RIC1: variants seen among roughly 807,000 people sequenced by gnomAD.
The protein encoded by RIC1 is RIC1 partner of RAB6A GEF complex.
A neutral mutation model predicts 169.0 loss-of-function variants in RIC1; 88 were observed. The observed-to-expected ratio is 0.52, with a 90% confidence interval of 0.44 to 0.62. The LOEUF (loss-of-function observed/expected upper bound fraction) is 0.62, where lower values mean the gene tolerates loss of function less well. Among genes scored for constraint, RIC1 ranks in the 20% least tolerant of loss-of-function variants. The pLI is 0.00. For missense variants in RIC1, 1,877 were observed against 1,725.5 expected, an observed-to-expected ratio of 1.09 and a Z score of -1.56; for synonymous variants, 790 against 601.5, an observed-to-expected ratio of 1.31 and a Z score of -4.59.
At position 5,774,089 on chromosome 9, in the gene RIC1, C is replaced by G; in HGVS notation, c.4115C>G (p.Pro1372Arg). ...GGTAAGACTCCAGAACAGACTAGCC[C>G]CCGGGCAGAGGAGAGCAGGGGCTCC... Reference protein sequence around the residue: ...TMGKTPEQTSPRAEESRGSSS... With the variant: ...TMGKTPEQTSRRAEESRGSSS... The change falls in exon 26 of 26, where the codon CCC becomes CGC. Residue 1372 changes from proline (P) to arginine (R), a missense_variant. By Grantham distance (103) the Pro-to-Arg change is moderately radical. Coordinates refer to ENST00000414202, the MANE Select transcript of RIC1 (RefSeq NM_020829.4). 1 of 1,614,050 alleles carries G rather than the reference C, an allele frequency of 6.2e-7. No homozygotes were observed. Among genetic ancestry groups the G allele is most frequent in the East Asian group, 2.2e-5 (1 of 44,880 alleles).
intron 1 of RIC1, among the ~76,000 whole-genome samples, chr9:5,654,876 A>T (rs901290313): frequency 6.6e-6 from 1 of 152,020 alleles, no homozygotes; most frequent in East Asian, 1.9e-4. Context: ...ATAATGACAA[A>T]TTCCACTTTT....
chr9:5,714,169 A>G (rs1823099670), intron 4 of RIC1, among the ~76,000 whole-genome samples, 166 bp downstream of exon 4: 1 of 152,236 alleles, frequency 6.6e-6, no homozygotes, highest in Non-Finnish European at 1.5e-5. Flanking sequence ...AGTTTTACAG[A>G]TGGCACTTAA....
intron 1 of RIC1, among the ~76,000 whole-genome samples, chr9:5,635,863 T>C (rs918020416): frequency 3.3e-5 from 5 of 152,212 alleles, no homozygotes; most frequent in Admixed American, 6.5e-5. Context: ...TCTGCCATGA[T>C]TGTAAGTTTC....
chr9:5,705,912 T>C (rs1027767988), intron 3 of RIC1, among the ~76,000 whole-genome samples: 1 of 152,226 alleles, frequency 6.6e-6, no homozygotes, highest in Non-Finnish European at 1.5e-5. Context: ...CTGGGATTTT[T>C]CCCCTTCATT....
At chr9:5,752,803 T>G (rs10975272) in intron 12 of RIC1, among the ~76,000 whole-genome samples, 4,941 of 152,214 alleles carry the variant, frequency 0.032, 106 homozygotes, top group Middle Eastern at 0.054. Context: ...AACCAGAACT[T>G]TTTCTGAGGC....
intron 6 of RIC1, among the ~76,000 whole-genome samples, chr9:5,728,394 G>T (rs976188181): frequency 6.6e-6 from 1 of 152,226 alleles, no homozygotes; most frequent in African/African-American, 2.4e-5. Flanking sequence ...CATTGGAAAA[G>T]CGCAGTATTA....
chr9:5,681,240 T>C (rs901370910), intron 2 of RIC1, among the ~76,000 whole-genome samples: 2 of 152,212 alleles, frequency 1.3e-5, no homozygotes, highest in Non-Finnish European at 2.9e-5. Flanking sequence ...TCTAGTTATT[T>C]TAATTGTGAT....
chr9:5,667,519 T>C (rs1379537826), intron 2 of RIC1, among the ~76,000 whole-genome samples: 2 of 151,686 alleles, frequency 1.3e-5, no homozygotes, highest in Non-Finnish European at 2.9e-5. Context: ...TTTTTTTTTT[T>C]TTTGAGACAG....
intron 7 of RIC1, among the ~76,000 whole-genome samples, chr9:5,737,033 T>C (rs752354272): frequency 3.9e-5 from 6 of 151,974 alleles, no homozygotes; most frequent in Non-Finnish European, 8.8e-5. Context: ...CATCCTATTA[T>C]GTGCAAAAGC....
chr9:5,723,981 G>A (rs1430087415), intron 6 of RIC1, among the ~76,000 whole-genome samples: 3 of 152,144 alleles, frequency 2.0e-5, no homozygotes, highest in African/African-American at 7.2e-5. Flanking sequence ...ATAGTTTGAA[G>A]TCAGGTAGCG....
intron 3 of RIC1, among the ~76,000 whole-genome samples, chr9:5,709,008 C>T (rs1252643738): frequency 6.6e-6 from 1 of 152,020 alleles, no homozygotes; most frequent in African/African-American, 2.4e-5. Context: ...TTGAGTTTTA[C>T]AGGACAAAAA....
rs149866860 is a variant in RIC1 at position 5,774,291 on chromosome 9, G to C, written c.*45G>C. 2 of 1,509,182 alleles carry C rather than the reference G, an allele frequency of 1.3e-6. No individual in the cohort carries two copies. The highest frequency in any genetic ancestry group is 1.8e-6 in the Non-Finnish European group (2 of 1,108,786). 93.5% of individuals were successfully genotyped at this position (1,509,182 alleles called of 1,614,324 possible). On this transcript the variant is annotated 3_prime_UTR_variant, in exon 26 of 26. Coordinates refer to ENST00000414202, the MANE Select transcript of RIC1 (RefSeq NM_020829.4). ...AGGGGCAGTATTAATTAGCAGCAGCGTGCAGCTCAGTACGTTGTAACATAG... is the reference window on the plus strand; with the variant it reads ...AGGGGCAGTATTAATTAGCAGCAGCCTGCAGCTCAGTACGTTGTAACATAG...
chr9:5,670,698 C>G (rs1188022213), intron 2 of RIC1, among the ~76,000 whole-genome samples: 2 of 152,154 alleles, frequency 1.3e-5, no homozygotes, highest in Non-Finnish European at 2.9e-5. Flanking sequence ...TTTCGTTTTG[C>G]CTGCTGCCTG....
At chr9:5,723,372 T>A (rs1823735677) in intron 6 of RIC1, among the ~76,000 whole-genome samples, 1 of 152,216 alleles carries the variant, frequency 6.6e-6, no homozygotes, top group Non-Finnish European at 1.5e-5. Context: ...GAAGTGTCTG[T>A]TCATAGCCTT....
intron 4 of RIC1, 99 bp from the exon 5 acceptor site, chr9:5,720,083 T>A (rs1487619399): frequency 2.4e-6 from 2 of 839,704 alleles, no homozygotes; most frequent in Non-Finnish European, 3.7e-6. Context: ...AATGGTTTCA[T>A]GATCATTTTT....
chr9:5,766,935 G>T (rs1826809597), intron 21 of RIC1, among the ~76,000 whole-genome samples: 2 of 152,310 alleles, frequency 1.3e-5, no homozygotes, highest in African/African-American at 4.8e-5. Flanking sequence ...TTCCATAGCA[G>T]CTGTACTAGT....
At chr9:5,720,156 T>C in intron 4 of RIC1, 26 bp from the exon 5 acceptor site, 1 of 1,594,048 alleles carries the variant, frequency 6.3e-7, no homozygotes, top group African/African-American at 1.3e-5. Context: ...TATGCTCTCT[T>C]AAAAATTAAT....
At chr9:5,710,984 CTTA>C (rs1255965928) in intron 3 of RIC1, among the ~76,000 whole-genome samples, 2 of 151,974 alleles carry the variant, frequency 1.3e-5, no homozygotes, top group Non-Finnish European at 2.9e-5. Flanking sequence ...AATGGAGAAG[CTTA>C]TTATTATATT....
At position 5,704,454 on chromosome 9, in the gene RIC1, C is replaced by G. The variant is rs1387059832; in HGVS notation, c.333-9442C>G. 2.0e-5 allele frequency among the ~76,000 whole-genome samples: 3 copies of G among 152,124 alleles called. No homozygotes were observed. The East Asian group carries it at 5.8e-4, about 29-fold the overall frequency. On this transcript the variant is annotated intron_variant, in intron 3 of 25. Transcript: ENST00000414202. ...CTCAAACTCCTGGGCTCAAGCAATC[C>G]TCCTGTCTTGGCCCCCCAAAGTGCT... is the stretch of plus-strand genomic sequence containing the variant.
Sources: allele counts gnomAD v4.1 joint callset (sites outside exome capture counted in the v4.1 genomes callset), GRCh38; gene constraint gnomAD v4.1.1; transcripts MANE v1.5; gene names NCBI Gene and HGNC (gene_info 2026-07-23, HGNC 2026-07-21).